CMTM8: variants seen among roughly 807,000 people sequenced by gnomAD.
CMTM8 encodes CKLF-like MARVEL transmembrane domain-containing protein 8.
Under a neutral mutation model 18.6 loss-of-function variants are expected in CMTM8, and 12 were observed. That is an observed-to-expected ratio of 0.65 (90% CI 0.41 to 1.05). The LOEUF is 1.05. Ranked by LOEUF, CMTM8 falls within the 50% of genes least tolerant of loss-of-function variation. The probability of loss-of-function intolerance (pLI) is 0.00; values close to 1 mark genes in which losing one functional copy is unlikely to be tolerated. For missense variants in CMTM8, 217 were observed against 227.2 expected, an observed-to-expected ratio of 0.95 and a Z score of 0.29; for synonymous variants, 87 against 90.6, an observed-to-expected ratio of 0.96 and a Z score of 0.23.
chr3:32,346,025 A>G (rs1306366162), intron 1 of CMTM8, among the ~76,000 whole-genome samples: 2 of 152,182 alleles, frequency 1.3e-5, no homozygotes, highest in East Asian at 1.9e-4. Flanking sequence ...GTGGTGGCTC[A>G]TGCCTGTAGT....
intron 1 of CMTM8, among the ~76,000 whole-genome samples, chr3:32,352,257 T>C (rs974465691): frequency 6.8e-6 from 1 of 146,582 alleles, no homozygotes; most frequent in Admixed American, 6.8e-5. Context: ...GAACTCTAAG[T>C]GGTTGATAAG....
intron 1 of CMTM8, among the ~76,000 whole-genome samples, chr3:32,348,465 G>T (rs1696643323): frequency 6.9e-6 from 1 of 144,066 alleles, no homozygotes; most frequent in South Asian, 2.3e-4. Flanking sequence ...TGAGTTATCT[G>T]ATTTGAGTTT....
intron 1 of CMTM8, among the ~76,000 whole-genome samples, chr3:32,303,657 A>G (rs1442998958): frequency 6.6e-6 from 1 of 152,104 alleles, no homozygotes; most frequent in Non-Finnish European, 1.5e-5. Context: ...AAAAATTTCA[A>G]ATCTGCAGGA....
intron 1 of CMTM8, among the ~76,000 whole-genome samples, chr3:32,285,526 AT>A (rs753504404): frequency 0.013 from 1,879 of 144,458 alleles, 44 homozygotes; most frequent in Middle Eastern, 0.056. Context: ...AAAAAAAAAA[AT>A]TAAATTAATA....
intron 1 of CMTM8, among the ~76,000 whole-genome samples, chr3:32,300,739 A>C (rs1224538476): frequency 6.6e-6 from 1 of 152,208 alleles, no homozygotes; most frequent in Middle Eastern, 3.4e-3. Context: ...TGGGTGGATC[A>C]CCTGAGGTCG....
At chr3:32,299,537 T>C (rs970150999) in intron 1 of CMTM8, among the ~76,000 whole-genome samples, 1 of 152,212 alleles carries the variant, frequency 6.6e-6, no homozygotes, top group Non-Finnish European at 1.5e-5. Flanking sequence ...GTACATGAGA[T>C]GTTTTGATGC....
At chr3:32,312,513 T>C (rs4955139) in intron 1 of CMTM8, among the ~76,000 whole-genome samples, 152,273 of 152,276 alleles carry the variant, frequency 1, 76,135 homozygotes, top group Middle Eastern at 1. Flanking sequence ...TGGGCAGGGG[T>C]GTGGAGCAGG....
At chr3:32,245,985 T>G (rs1657914646) in intron 1 of CMTM8, among the ~76,000 whole-genome samples, 1 of 152,120 alleles carries the variant, frequency 6.6e-6, no homozygotes, top group African/African-American at 2.4e-5. Context: ...GCCTGGCCAA[T>G]TTTTGTATTT....
intron 1 of CMTM8, among the ~76,000 whole-genome samples, chr3:32,328,370 CAAAAAAAAAA>C (rs796201249): frequency 3.9e-4 from 29 of 74,784 alleles, no homozygotes; most frequent in Admixed American, 1.2e-3. Context: ...ACCCTGTCTC[CAAAAAAAAAA>C]AAAAAAAAAA....
chr3:32,239,888 TC>T (rs1701924262), intron 1 of CMTM8, among the ~76,000 whole-genome samples: 1 of 152,096 alleles, frequency 6.6e-6, no homozygotes, highest in African/African-American at 2.4e-5. Flanking sequence ...CCTCATACCC[TC>T]GTGTAATCCA....
intron 1 of CMTM8, among the ~76,000 whole-genome samples, chr3:32,348,339 C>G (rs1469137395): frequency 8.5e-5 from 13 of 152,076 alleles, no homozygotes; most frequent in Admixed American, 6.5e-4. Flanking sequence ...CTCTTTGTAC[C>G]TGATGATCTG....
chr3:32,279,064 G>A (rs1702563345), intron 1 of CMTM8, among the ~76,000 whole-genome samples: 1 of 152,010 alleles, frequency 6.6e-6, no homozygotes, highest in South Asian at 2.1e-4. Context: ...TCAGTGTCTT[G>A]GCTGTGCTTT....
intron 1 of CMTM8, chr3:32,259,426 C>A: frequency 1.2e-6 from 1 of 847,518 alleles, no homozygotes; most frequent in Non-Finnish European, 2.1e-6. Flanking sequence ...CTGCTGATGA[C>A]TTTAGAGTCA....
chr3:32,252,958 A>G (rs1463210846), intron 1 of CMTM8, among the ~76,000 whole-genome samples: 1 of 152,144 alleles, frequency 6.6e-6, no homozygotes, highest in African/African-American at 2.4e-5. Context: ...ACCCTTTTTA[A>G]TTAGGAATGA....
Position 32,367,863 on chromosome 3 carries a change from T to TC in CMTM8, c.322-3dup, listed in dbSNP as rs757355831. The TC allele has an allele frequency of 1.4e-4, 222 of 1,587,442 alleles. No homozygotes were observed. The highest frequency in any genetic ancestry group is 3.5e-4 in the Middle Eastern group (2 of 5,662). On this transcript the variant is annotated splice_polypyrimidine_tract_variant and intron_variant, in intron 2 of 3. Coordinates refer to ENST00000307526, the MANE Select transcript of CMTM8 (RefSeq NM_178868.5). The stretch of plus-strand genomic sequence containing the variant: ...TCTCCCTAAACACTCTGCCCCTGTG[T>TC]CCCCCCAGGGCCTGTGCTTTAACGG...
intron 1 of CMTM8, among the ~76,000 whole-genome samples, chr3:32,303,955 G>A (rs977327206): frequency 6.6e-6 from 1 of 152,182 alleles, no homozygotes; most frequent in Admixed American, 6.5e-5. Flanking sequence ...AATATGTGAT[G>A]CAGTCCATAT....
intron 2 of CMTM8, among the ~76,000 whole-genome samples, chr3:32,367,648 C>T (rs1480129098): frequency 6.6e-6 from 1 of 152,142 alleles, no homozygotes; most frequent in African/African-American, 2.4e-5. Context: ...GGCATGCAGT[C>T]TCAGTGTCTC....
At chr3:32,278,329 T>G (rs1430712493) in intron 1 of CMTM8, among the ~76,000 whole-genome samples, 2 of 152,206 alleles carry the variant, frequency 1.3e-5, no homozygotes, top group African/African-American at 4.8e-5. Flanking sequence ...AAAGGCAGAA[T>G]GTGAGAGCGG....
chr3:32,241,244 C>T (rs1474694407), intron 1 of CMTM8, among the ~76,000 whole-genome samples: 2 of 152,186 alleles, frequency 1.3e-5, no homozygotes, highest in Non-Finnish European at 2.9e-5. Flanking sequence ...CCTTTCTACT[C>T]TGAAAGATGA....
Sources: allele counts gnomAD v4.1 joint callset (sites outside exome capture counted in the v4.1 genomes callset), GRCh38; gene constraint gnomAD v4.1.1; transcripts MANE v1.5; gene names NCBI Gene and HGNC (gene_info 2026-07-23, HGNC 2026-07-21).